Variants in RGS14 observed in about 807,000 individuals in gnomAD.
The protein encoded by RGS14 is regulator of G-protein signaling 14.
RGS14 carries 33 observed loss-of-function variants against 63.8 expected under a neutral mutation model. The observed-to-expected ratio is 0.52, with a 90% CI of 0.39 to 0.69. The LOEUF is 0.69. Among genes scored for constraint, RGS14 ranks in the 30% least tolerant of loss-of-function variants. The pLI is 0.00. For synonymous variants in RGS14, 296 were observed against 320.9 expected, an observed-to-expected ratio of 0.92 and a Z score of 0.83; for missense variants, 739 against 742.9, an observed-to-expected ratio of 0.99 and a Z score of 0.06.
At position 177,371,102 on chromosome 5, in the gene RGS14, GC is replaced by G. The variant is rs1561618910; in HGVS notation, c.1255-61del. 4.5e-5 allele frequency: 46 copies of G among 1,015,944 alleles called. No homozygotes were observed. In the African/African-American group the frequency reaches 7.8e-4, roughly 17 times the overall value. 62.9% of individuals were successfully genotyped at this position (1,015,944 alleles called of 1,614,324 possible). On this transcript the variant is annotated intron_variant, in intron 11 of 14. Transcript: ENST00000408923. This position sits in a 1 kb window ranked among gnomAD's most constrained non-coding sequence, Gnocchi z 6.1. ...GGCCGGGGCCGGGGCCGGGGCCGGGGCCGGGGCCGGGGCCGGGGCCGGGCGG... is the reference window on the plus strand; with the variant it reads ...GGCCGGGGCCGGGGCCGGGGCCGGGGCGGGGCCGGGGCCGGGGCCGGGCGG...
intron 5 of RGS14, 24 bp from the exon 6 acceptor site, chr5:177,367,390 A>T (rs765076832): frequency 6.3e-7 from 1 of 1,578,416 alleles, no homozygotes; most frequent in Non-Finnish European, 8.6e-7. Context: ...GCCCCGGCTC[A>T]CCTGTTCCGG....
chr5:177,367,368 G>C (rs373372147), intron 5 of RGS14, 46 bp from the exon 6 acceptor site: 3 of 1,545,962 alleles, frequency 1.9e-6, no homozygotes, highest in Non-Finnish European at 2.6e-6. Context: ...GCAGCCCAGC[G>C]CCCCCACCCC....
At chr5:177,369,601 G>A (rs1762191092) in intron 9 of RGS14, among the ~76,000 whole-genome samples, 1 of 152,224 alleles carries the variant, frequency 6.6e-6, no homozygotes, top group Non-Finnish European at 1.5e-5. Context: ...GGAGAGGGTA[G>A]GCATTTCTGG....
Position 177,367,409 on chromosome 5 carries a change from C to A in RGS14, c.484-5C>A, listed in dbSNP as rs758162823. 2.5e-6 allele frequency: 4 copies of A among 1,598,030 alleles called. No individual in the cohort carries two copies. Among genetic ancestry groups the A allele is most frequent in the East Asian group, 4.5e-5 (2 of 44,218 alleles). ...CGGCTCACCTGTTCCGGGGTCGCCC[C>A]GCAGATCTTCAACTTGATGAAGTTC... On this transcript the variant is annotated splice_polypyrimidine_tract_variant and splice_region_variant and intron_variant, in intron 5 of 14. Coordinates refer to ENST00000408923, the MANE Select transcript of RGS14 (RefSeq NM_006480.5).
At position 177,368,928 on chromosome 5, in the gene RGS14, C is replaced by T. The variant is rs759105704; in HGVS notation, c.1053+8C>T. 24 of 1,613,366 alleles carry T rather than the reference C, an allele frequency of 1.5e-5. No homozygotes were observed. The highest frequency in any genetic ancestry group is 6.7e-5 in the East Asian group (3 of 44,894). On this transcript the variant is annotated splice_region_variant and intron_variant, in intron 9 of 14. Coordinates refer to ENST00000408923, the MANE Select transcript of RGS14 (RefSeq NM_006480.5). ...CTGGTGGGCAATGAACAGGTGGGAACGTGACCTGGCTCCAACTCTAACCTC... is the reference window on the plus strand; with the variant it reads ...CTGGTGGGCAATGAACAGGTGGGAATGTGACCTGGCTCCAACTCTAACCTC...
chr5:177,360,247 A>C (rs1176469005), intron 1 of RGS14, among the ~76,000 whole-genome samples: 1 of 152,086 alleles, frequency 6.6e-6, no homozygotes, highest in Non-Finnish European at 1.5e-5. Flanking sequence ...CATCAGCCCT[A>C]GTCCCTGCCC....
Position 177,358,331 on chromosome 5 carries a change from T to TCA in RGS14, c.45+264_45+265dup, listed in dbSNP as rs1324391557. 1.3e-5 allele frequency among the ~76,000 whole-genome samples: 2 copies of TCA among 152,168 alleles called. No individual in the cohort carries two copies. Among genetic ancestry groups the TCA allele is most frequent in the African/African-American group, 4.8e-5 (2 of 41,436 alleles). On this transcript the variant is annotated intron_variant, in intron 1 of 14. Coordinates refer to ENST00000408923, the MANE Select transcript of RGS14 (RefSeq NM_006480.5). The surrounding 1 kb of genome is among the most constrained non-coding windows in gnomAD (Gnocchi z 4.8). The stretch of plus-strand genomic sequence containing the variant: ...TTCTGGTCCAGCCCCCACCACTCCC[T>TCA]CACCTGCTGCATCTGGGGCTGCATC...
rs1762284437 is a variant in RGS14 at position 177,372,020 on chromosome 5, C to A, written c.1646C>A (p.Ser549Ter). 6.2e-7 allele frequency: 1 copy of A among 1,614,012 alleles called. No individual in the cohort carries two copies. The highest frequency in any genetic ancestry group is 1.3e-5 in the African/African-American group (1 of 74,940). Residue 549 changes from serine (S) to a stop codon, truncating the protein, a stop_gained, in exon 15 of 15, where the codon TCA becomes TAA. Coordinates refer to ENST00000408923, the MANE Select transcript of RGS14 (RefSeq NM_006480.5). LOFTEE classifies it low-confidence loss of function (END_TRUNC). Reference protein sequence around the residue: ...SSEETPPQTKSAAQPIGGSLN... With the variant: ...SSEETPPQTK Reference sequence around the variant, plus strand: ...GAGGAGACCCCACCACAGACCAAATCAGCAGCCCAGCCCATCGGGGGATCC... The same window carrying A: ...GAGGAGACCCCACCACAGACCAAATAAGCAGCCCAGCCCATCGGGGGATCC...
At position 177,372,141 on chromosome 5, in the gene RGS14, C is replaced by A. The variant is rs1268862072; in HGVS notation, c.*66C>A. The A allele has an allele frequency of 7.0e-7, 1 of 1,431,718 alleles. No individual in the cohort carries two copies. The highest frequency in any genetic ancestry group is 1.2e-5 in the South Asian group (1 of 81,896). The allele number at this position is 1,431,718 out of a possible 1,614,324, so 88.7% of individuals were successfully genotyped here. On this transcript the variant is annotated 3_prime_UTR_variant, in exon 15 of 15. Coordinates refer to ENST00000408923, the MANE Select transcript of RGS14 (RefSeq NM_006480.5). ...GGGCCGAGCATGCCATGGGTCCGCTCTGCATGCCCTGTCTGTGCCATGAGT... is the reference window on the plus strand; with the variant it reads ...GGGCCGAGCATGCCATGGGTCCGCTATGCATGCCCTGTCTGTGCCATGAGT...
intron 1 of RGS14, among the ~76,000 whole-genome samples, chr5:177,362,630 T>G (rs776893529): frequency 6.6e-6 from 1 of 150,674 alleles, no homozygotes; most frequent in Non-Finnish European, 1.5e-5. Context: ...GAAGCAGGGG[T>G]GTGGGGAAAA....
chr5:177,367,104 G>T, intron 5 of RGS14, 70 bp downstream of exon 5: 2 of 1,532,452 alleles, frequency 1.3e-6, no homozygotes, highest in Non-Finnish European at 1.8e-6. Context: ...GGACCCTGGC[G>T]GGGAGTCTGA....
intron 9 of RGS14, among the ~76,000 whole-genome samples, chr5:177,369,477 T>G (rs1220840666): frequency 6.6e-6 from 1 of 152,002 alleles, no homozygotes; most frequent in Non-Finnish European, 1.5e-5. Context: ...GCCAGGTGTG[T>G]GGGGGAGAGG....
Position 177,364,673 on chromosome 5 carries a change from A to G in RGS14, c.46-1290A>G, listed in dbSNP as rs912278438. Among the ~76,000 whole-genome samples the G allele has an allele frequency of 6.6e-6, 1 of 152,182 alleles. No homozygotes were observed. Among genetic ancestry groups the G allele is most frequent in the Non-Finnish European group, 1.5e-5 (1 of 68,022 alleles). ...CAGAGAGGGGTTGAGGCCACATTGC[A>G]TGAGTGGGAGATAGTGGGGAAGCTG... On this transcript the variant is annotated intron_variant, in intron 1 of 14. Transcript: ENST00000408923. This position sits in a 1 kb window ranked among gnomAD's most constrained non-coding sequence, Gnocchi z 4.6.
Position 177,370,621 on chromosome 5 carries a change from C to G in RGS14, c.1084C>G (p.Leu362Val), listed in dbSNP as rs760715978. The G allele has an allele frequency of 6.2e-7, 1 of 1,613,976 alleles. No individual in the cohort carries two copies. Among genetic ancestry groups the G allele is most frequent in the East Asian group, 2.2e-5 (1 of 44,886 alleles). The change falls in exon 10 of 15, where the codon CTG (leucine) becomes GTG (valine). Residue 362 changes from leucine to valine, a missense_variant. Transcript: ENST00000408923. ...ALVLDQDCTV[L>V]ADQEVRLENR... ...GGTCCTGGATCAGGACTGCACCGTG[C>G]TGGCGGATCAGGAAGTGCGGCTGGA...
At position 177,368,884 on chromosome 5, in the gene RGS14, A is replaced by G; in HGVS notation, c.1017A>G (p.Leu339=). 6.2e-7 allele frequency: 1 copy of G among 1,614,128 alleles called. No individual in the cohort carries two copies. Among genetic ancestry groups the G allele is most frequent in the Non-Finnish European group, 8.5e-7 (1 of 1,180,028 alleles). ...AGICEKRGLS[L]PDIKVYLVGN... Reference sequence around the variant, plus strand: ...TCTGTGAGAAACGAGGCCTCTCTCTACCTGACATCAAGGTCTACCTGGTGG... The same window carrying G: ...TCTGTGAGAAACGAGGCCTCTCTCTGCCTGACATCAAGGTCTACCTGGTGG... The change falls in exon 9 of 15, where the codon CTA becomes CTG. Residue 339 remains leucine (L), a synonymous_variant. Transcript: ENST00000408923.
chr5:177,369,101 C>A, intron 9 of RGS14, 181 bp downstream of exon 9: 1 of 633,630 alleles, frequency 1.6e-6, no homozygotes, highest in Non-Finnish European at 2.8e-6. Context: ...CATGTCCTTC[C>A]AGGTTTCCAC....
At position 177,370,625 on chromosome 5, in the gene RGS14, C is replaced by A. The variant is rs763905228; in HGVS notation, c.1088C>A (p.Ala363Glu). The change falls in exon 10 of 15, where the codon GCG becomes GAG. Residue 363 changes from alanine to glutamate, a missense_variant. Coordinates refer to ENST00000408923, the MANE Select transcript of RGS14 (RefSeq NM_006480.5). ...CTGGATCAGGACTGCACCGTGCTGG[C>A]GGATCAGGAAGTGCGGCTGGAAAAC... The part of the protein sequence containing the change: ...LVLDQDCTVL[A>E]DQEVRLENRI... 8.1e-6 allele frequency: 13 copies of A among 1,613,970 alleles called. No homozygotes were observed. The highest frequency in any genetic ancestry group is 2.7e-5 in the African/African-American group (2 of 74,914).
In RGS14 at chr5:177,372,013, A is replaced by G. The variant is rs775015703; in HGVS notation, c.1639A>G (p.Thr547Ala). ...CAGCTCCGAGGAGACCCCACCACAGACCAAATCAGCAGCCCAGCCCATCGG... is the reference window on the plus strand; with the variant it reads ...CAGCTCCGAGGAGACCCCACCACAGGCCAAATCAGCAGCCCAGCCCATCGG... ...GPSSEETPPQ[T>A]KSAAQPIGGS... Residue 547 changes from threonine (T) to alanine (A), a missense_variant, in exon 15 of 15, where the codon ACC (threonine) becomes GCC (alanine). Thr to Ala is a moderately conservative substitution (Grantham distance 58). Transcript: ENST00000408923. The G allele has an allele frequency of 3.1e-6, 5 of 1,613,952 alleles. No individual in the cohort carries two copies. The South Asian group carries it at 4.4e-5, about 14-fold the overall frequency.
rs1353914761 is a variant in RGS14 at position 177,367,756 on chromosome 5, G to A, written c.670G>A (p.Glu224Lys). The A allele has an allele frequency of 6.2e-7, 1 of 1,613,284 alleles. No individual in the cohort carries two copies. Among genetic ancestry groups the A allele is most frequent in the East Asian group, 2.2e-5 (1 of 44,870 alleles). Residue 224 changes from glutamate to lysine, a missense_variant, in exon 7 of 15, where the codon GAG (glutamate) becomes AAG (lysine). Physicochemically the swap from Glu to Lys is moderately conservative, Grantham distance 56. Coordinates refer to ENST00000408923, the MANE Select transcript of RGS14 (RefSeq NM_006480.5). ...CGGGAAGTCGCTGCCGCTGGGTGTG[G>A]AGGAGTTGGGGCAGCTGCCACCCGT... ...KPGKSLPLGVEELGQLPPVEG... is the reference protein window; with the variant it reads ...KPGKSLPLGVKELGQLPPVEG...
Sources: allele counts gnomAD v4.1 joint callset (sites outside exome capture counted in the v4.1 genomes callset), GRCh38; gene constraint gnomAD v4.1.1; non-coding constraint Gnocchi (gnomAD v3.1); transcripts MANE v1.5; gene names NCBI Gene and HGNC (gene_info 2026-07-23, HGNC 2026-07-21).